Variants in COX7B2 observed in about 807,000 individuals in gnomAD.
COX7B2 encodes the protein cytochrome c oxidase subunit 7B2.
For missense variants in COX7B2, 109 were observed against 95.9 expected (o/e 1.14, Z -0.57); for synonymous variants, 37 against 32.1 (o/e 1.15, Z -0.51).
chr4:46,802,663 G>T (rs1333837573), intron 2 of COX7B2, among the ~76,000 whole-genome samples: 3 of 152,092 alleles, frequency 2.0e-5, no homozygotes, highest in Non-Finnish European at 2.9e-5. Context: ...GCTCTCCAAA[G>T]GTTAGTCACA....
chr4:46,793,690 T>A (rs1718168871), intron 2 of COX7B2, among the ~76,000 whole-genome samples: 1 of 152,230 alleles, frequency 6.6e-6, no homozygotes, highest in Non-Finnish European at 1.5e-5. Context: ...GGGCTGAGAC[T>A]GCTGAAGATC....
At chr4:46,817,861 C>T (rs1370730561) in intron 2 of COX7B2, among the ~76,000 whole-genome samples, 4 of 152,162 alleles carry the variant, frequency 2.6e-5, no homozygotes, top group Non-Finnish European at 5.9e-5. Context: ...CCCCTTCAAG[C>T]ATGTTTTTCC....
At chr4:46,745,380 A>C (rs1310184384) in intron 2 of COX7B2, among the ~76,000 whole-genome samples, 1 of 152,240 alleles carries the variant, frequency 6.6e-6, no homozygotes, top group African/African-American at 2.4e-5. Context: ...AGAAGAACAC[A>C]TAACAGCATT....
At chr4:46,740,709 A>T (rs372389898) in intron 2 of COX7B2, among the ~76,000 whole-genome samples, 1 of 152,134 alleles carries the variant, frequency 6.6e-6, no homozygotes, top group African/African-American at 2.4e-5. Flanking sequence ...AAAGAAAATA[A>T]TGATCTAAAT....
At chr4:46,788,555 C>T (rs1717872316) in intron 2 of COX7B2, among the ~76,000 whole-genome samples, 1 of 152,092 alleles carries the variant, frequency 6.6e-6, no homozygotes, top group Non-Finnish European at 1.5e-5. Flanking sequence ...AGCCAACATG[C>T]TTTGACCCAA....
rs148524848 is a variant in COX7B2, at chr4:46,879,603, T to A, written c.-105+29557A>T. On this transcript the variant is annotated intron_variant, in intron 1 of 2. Transcript: ENST00000355591. ...TTCTAAATGATGATCCATTAGAGTA[T>A]GTTGCATAATCTTTATCTGTTTTAT... Among the ~76,000 whole-genome samples, 29 of 152,100 alleles carry A rather than the reference T, an allele frequency of 1.9e-4. No homozygotes were observed. The East Asian group carries it at 5.2e-3, about 27-fold the overall frequency.
At chr4:46,812,747 GCT>G (rs952335766) in intron 2 of COX7B2, among the ~76,000 whole-genome samples, 1 of 152,174 alleles carries the variant, frequency 6.6e-6, no homozygotes, top group African/African-American at 2.4e-5. Flanking sequence ...CTCAGCCAAT[GCT>G]CTGATTCCCT....
intron 2 of COX7B2, among the ~76,000 whole-genome samples, chr4:46,817,403 G>A (rs913974487): frequency 3.3e-5 from 5 of 152,100 alleles, no homozygotes; most frequent in South Asian, 2.1e-4. Flanking sequence ...TAGAAAAGCC[G>A]GGGTACACAT....
At chr4:46,893,855 T>C (rs1390095922) in intron 1 of COX7B2, among the ~76,000 whole-genome samples, 1 of 152,142 alleles carries the variant, frequency 6.6e-6, no homozygotes, top group Non-Finnish European at 1.5e-5. Flanking sequence ...AAAAGAATTA[T>C]CTTATATACC....
At chr4:46,879,878 G>C (rs370689429) in intron 1 of COX7B2, among the ~76,000 whole-genome samples, 2 of 152,224 alleles carry the variant, frequency 1.3e-5, no homozygotes, top group Non-Finnish European at 2.9e-5. Flanking sequence ...TTTTGGACTG[G>C]TGTTCTCTGT....
In COX7B2 at chr4:46,781,344, C is replaced by G. The variant is rs547082321; in HGVS notation, c.-49-46103G>C. On this transcript the variant is annotated intron_variant, in intron 2 of 2. Coordinates refer to ENST00000355591, the MANE Select transcript of COX7B2 (RefSeq NM_130902.3). ...AAACAGATTCTCTCCTCCATAAATT[C>G]CAGTCATGGTTAACACAAACACACA... Among the ~76,000 whole-genome samples the G allele has an allele frequency of 2.0e-5, 3 of 152,338 alleles. No individual in the cohort carries two copies. The South Asian group carries it at 6.2e-4, about 32-fold the overall frequency.
intron 2 of COX7B2, among the ~76,000 whole-genome samples, chr4:46,744,122 T>C (rs1009129855): frequency 3.3e-5 from 5 of 152,074 alleles, no homozygotes; most frequent in African/African-American, 1.2e-4. Flanking sequence ...TTTTTTTGTA[T>C]AAACATAGAA....
chr4:46,822,130 C>T (rs1714342673), intron 2 of COX7B2, among the ~76,000 whole-genome samples: 1 of 152,176 alleles, frequency 6.6e-6, no homozygotes, highest in Admixed American at 6.5e-5. Flanking sequence ...CCAGGATAGT[C>T]TCCATCTCCT....
chr4:46,781,041 T>C (rs1226639997), intron 2 of COX7B2, among the ~76,000 whole-genome samples: 1 of 152,164 alleles, frequency 6.6e-6, no homozygotes, highest in Admixed American at 6.5e-5. Flanking sequence ...AGGGTATCTG[T>C]TATTTTTACA....
intron 2 of COX7B2, among the ~76,000 whole-genome samples, chr4:46,811,151 T>C (rs1719265485): frequency 6.6e-6 from 1 of 152,162 alleles, no homozygotes; most frequent in Non-Finnish European, 1.5e-5. Flanking sequence ...TTGAATATAT[T>C]TGGAAATCTC....
intron 2 of COX7B2, among the ~76,000 whole-genome samples, chr4:46,835,975 G>A (rs1193495730): frequency 6.6e-6 from 1 of 152,098 alleles, no homozygotes; most frequent in Admixed American, 6.6e-5. Context: ...TCCAAACATA[G>A]AAAAGGTACA....
intron 2 of COX7B2, among the ~76,000 whole-genome samples, chr4:46,812,691 A>C (rs1719347542): frequency 6.6e-6 from 1 of 152,142 alleles, no homozygotes; most frequent in African/African-American, 2.4e-5. Flanking sequence ...AGTTCCAGGT[A>C]GGGAGGACAC....
chr4:46,890,992 G>T (rs1216686831), intron 1 of COX7B2, among the ~76,000 whole-genome samples: 1 of 152,186 alleles, frequency 6.6e-6, no homozygotes, highest in African/African-American at 2.4e-5. Context: ...GGCTAGAGAT[G>T]ATGCTGTCTT....
intron 1 of COX7B2, among the ~76,000 whole-genome samples, chr4:46,884,481 T>C (rs1055409443): frequency 2.6e-5 from 4 of 152,242 alleles, no homozygotes; most frequent in African/African-American, 9.6e-5. Context: ...ACTCACTGAG[T>C]TTTATCACAA....
Sources: gnomAD v4.1 joint callset for allele counts (sites outside exome capture counted in the v4.1 genomes callset) on GRCh38, gnomAD v4.1.1 for gene constraint, MANE v1.5 for transcripts, NCBI Gene and HGNC (gene_info 2026-07-23, HGNC 2026-07-21) for gene names.